POLDIP3: variants seen among roughly 807,000 people sequenced by gnomAD.
The protein encoded by POLDIP3 is DNA polymerase delta interacting protein 3.
In POLDIP3, 14 loss-of-function variants were observed where a neutral mutation model predicts 45.1. The ratio of observed to expected loss-of-function variants is 0.31; its 90% CI spans 0.20 to 0.49. The LOEUF is 0.49. Ranked by LOEUF, POLDIP3 falls within the 20% of genes least tolerant of loss-of-function variation. The pLI is 0.99. For synonymous variants in POLDIP3, 223 were observed against 205.2 expected (o/e 1.09, Z -0.74); for missense variants, 511 against 538.8 (o/e 0.95, Z 0.51).
chr22:42,600,707 C>T (rs963610471), intron 3 of POLDIP3, among the ~76,000 whole-genome samples: 1 of 147,688 alleles, frequency 6.8e-6, no homozygotes, highest in Non-Finnish European at 1.5e-5. Context: ...CAGTGGCTCA[C>T]GCCTGTAATC....
Position 42,585,524 on chromosome 22 carries a change from C to T in POLDIP3, c.*267G>A, listed in dbSNP as rs1925248571. On this transcript the variant is annotated 3_prime_UTR_variant, in exon 9 of 9. Transcript: ENST00000252115. ...AAGAAATCAGCTTGGGGCTGAGGCT[C>T]GGGGAGGCACACACTGAAAAACACA... 6.5e-6 allele frequency: 3 copies of T among 459,368 alleles called. No homozygotes were observed. The South Asian group carries it at 7.0e-5, about 11-fold the overall frequency. The allele number at this position is 459,368 out of a possible 1,614,324, so 28.5% of individuals were successfully genotyped here.
chr22:42,590,998 G>A (rs894479069), intron 7 of POLDIP3, among the ~76,000 whole-genome samples: 2 of 151,732 alleles, frequency 1.3e-5, no homozygotes, highest in Non-Finnish European at 2.9e-5. Flanking sequence ...CGCTTGAACC[G>A]GGGAGGCGGA....
intron 7 of POLDIP3, among the ~76,000 whole-genome samples, chr22:42,589,120 G>A (rs942151348): frequency 6.6e-6 from 1 of 152,008 alleles, no homozygotes; most frequent in Non-Finnish European, 1.5e-5. Context: ...GTGCACACCT[G>A]TAGTCTCAGC....
Position 42,584,816 on chromosome 22 carries a change from C to A in POLDIP3, c.*975G>T. The stretch of plus-strand genomic sequence containing the variant: ...CAGCTGGATATATGCCTCCAGGCAT[C>A]CCTGACCACTGTCCTGTAGACAACT... On this transcript the variant is annotated 3_prime_UTR_variant, in exon 9 of 9. Transcript: ENST00000252115. The A allele has an allele frequency of 2.3e-6, 1 of 441,874 alleles. No individual in the cohort carries two copies. The highest frequency in any genetic ancestry group is 4.5e-6 in the Non-Finnish European group (1 of 220,980). The allele number at this position is 441,874 out of a possible 1,614,324, so 27.4% of individuals were successfully genotyped here.
chr22:42,587,097 AAAC>A, intron 8 of POLDIP3, among the ~76,000 whole-genome samples: 1 of 49,740 alleles, frequency 2.0e-5, no homozygotes, highest in East Asian at 3.8e-3. Context: ...AGCAAAAAAC[AAAC>A]AAACAAACAA....
chr22:42,613,739 C>G (rs946024656), intron 1 of POLDIP3, among the ~76,000 whole-genome samples: 3 of 151,796 alleles, frequency 2.0e-5, no homozygotes, highest in African/African-American at 7.3e-5. Context: ...CCAGCCTGGG[C>G]GACAGAGCAA....
In POLDIP3 at chr22:42,599,694, A is replaced by G. The variant is rs1195228736; in HGVS notation, c.633+4T>C. 3 of 1,589,856 alleles carry G rather than the reference A, an allele frequency of 1.9e-6. No homozygotes were observed. The highest frequency in any genetic ancestry group is 1.7e-6 in the Non-Finnish European group (2 of 1,158,160). On this transcript the variant is annotated splice_donor_region_variant and intron_variant, in intron 4 of 8. Transcript: ENST00000252115. ...GCAGTGTAAGAAAACATGAAATGCC[A>G]TACCATGTGGTGGAGAAAGCCGCCT...
chr22:42,595,468 TG>T, intron 6 of POLDIP3, 68 bp downstream of exon 6: 1 of 1,385,776 alleles, frequency 7.2e-7, no homozygotes, highest in Non-Finnish European at 1.0e-6. Flanking sequence ...AACCTGAGGG[TG>T]GGTCTTAAGA....
At chr22:42,609,506 T>A (rs1239933371) in intron 1 of POLDIP3, among the ~76,000 whole-genome samples, 1 of 152,166 alleles carries the variant, frequency 6.6e-6, no homozygotes, top group East Asian at 1.9e-4. Flanking sequence ...TATTTCACCC[T>A]CCTGGCTCTG....
chr22:42,595,332 G>A (rs1601889686), intron 6 of POLDIP3, among the ~76,000 whole-genome samples: 1 of 152,136 alleles, frequency 6.6e-6, no homozygotes, highest in East Asian at 1.9e-4. Context: ...GGGGCCTCTG[G>A]AGGCTTGTGC....
In POLDIP3 at chr22:42,599,806, C is replaced by T. The variant is rs1601895892; in HGVS notation, c.538-13G>A. 1 of 1,574,054 alleles carries T rather than the reference C, an allele frequency of 6.4e-7. No individual in the cohort carries two copies. Among genetic ancestry groups the T allele is most frequent in the Non-Finnish European group, 8.7e-7 (1 of 1,146,402 alleles). ...GGTCATATAAATTCTGAGAATATAA[C>T]ATAAAGAAATATAAGCAAATGTGGC... is the stretch of plus-strand genomic sequence containing the variant. On this transcript the variant is annotated splice_polypyrimidine_tract_variant and intron_variant, in intron 3 of 8. Coordinates refer to ENST00000252115, the MANE Select transcript of POLDIP3 (RefSeq NM_032311.5).
chr22:42,584,775 C>A lies in POLDIP3; in HGVS notation c.*1016G>T. ...GGTCACTCACATAAGTGGGAACAAACAGTGCCCCTTGGTGGCAGCTGGATA... is the reference window on the plus strand; with the variant it reads ...GGTCACTCACATAAGTGGGAACAAAAAGTGCCCCTTGGTGGCAGCTGGATA... On this transcript the variant is annotated 3_prime_UTR_variant, in exon 9 of 9. Transcript: ENST00000252115. 2.6e-6 allele frequency: 1 copy of A among 390,512 alleles called. No individual in the cohort carries two copies. The allele number at this position is 390,512 out of a possible 1,614,324, so 24.2% of individuals were successfully genotyped here.
intron 7 of POLDIP3, among the ~76,000 whole-genome samples, chr22:42,590,960 G>C (rs907101711): frequency 2.6e-5 from 4 of 152,100 alleles, no homozygotes; most frequent in African/African-American, 9.7e-5. Flanking sequence ...TGTAGTCCCA[G>C]CTACTTGGGA....
chr22:42,601,405 T>TA (rs962330166), intron 3 of POLDIP3, among the ~76,000 whole-genome samples: 29 of 150,688 alleles, frequency 1.9e-4, no homozygotes, highest in African/African-American at 5.1e-4. Flanking sequence ...GTAAAAAAAT[T>TA]AAAAAAAACA....
chr22:42,603,757 T>C (rs1301497203), intron 1 of POLDIP3: 1 of 152,108 alleles, frequency 6.6e-6, no homozygotes, highest in Non-Finnish European at 1.5e-5. Flanking sequence ...AAAGACTTGG[T>C]AGGAAAGAAA....
intron 1 of POLDIP3, among the ~76,000 whole-genome samples, chr22:42,613,705 G>C (rs1023892064): frequency 6.6e-6 from 1 of 152,172 alleles, no homozygotes; most frequent in Non-Finnish European, 1.5e-5. Context: ...AGGTTGCAGT[G>C]AGCCGAGATG....
chr22:42,595,704 C>G, intron 5 of POLDIP3, 90 bp from the exon 6 acceptor site: 1 of 1,198,814 alleles, frequency 8.3e-7, no homozygotes, highest in Non-Finnish European at 1.2e-6. Flanking sequence ...ACTAGGAAGG[C>G]CCAGAGGAAA....
At position 42,585,525 on chromosome 22, in the gene POLDIP3, G is replaced by T; in HGVS notation, c.*266C>A. ...AGAAATCAGCTTGGGGCTGAGGCTC[G>T]GGGAGGCACACACTGAAAAACACAA... On this transcript the variant is annotated 3_prime_UTR_variant, in exon 9 of 9. Transcript: ENST00000252115. 4.3e-6 allele frequency: 2 copies of T among 463,576 alleles called. No homozygotes were observed. Among genetic ancestry groups the T allele is most frequent in the Non-Finnish European group, 7.9e-6 (2 of 254,102 alleles). The allele number at this position is 463,576 out of a possible 1,614,324, so 28.7% of individuals were successfully genotyped here.
At chr22:42,607,017 C>T (rs1926770519) in intron 1 of POLDIP3, among the ~76,000 whole-genome samples, 1 of 152,236 alleles carries the variant, frequency 6.6e-6, no homozygotes, top group Non-Finnish European at 1.5e-5. Flanking sequence ...GTAATCCCAA[C>T]ACTTTGGGAG....
Sources: allele counts gnomAD v4.1 joint callset (sites outside exome capture counted in the v4.1 genomes callset), GRCh38; gene constraint gnomAD v4.1.1; transcripts MANE v1.5; gene names NCBI Gene and HGNC (gene_info 2026-07-23, HGNC 2026-07-21).